Variants in GREM1 observed in about 807,000 individuals in gnomAD.
GREM1 encodes the protein gremlin-1.
A neutral mutation model predicts 13.1 loss-of-function variants in GREM1; 6 were observed. The observed-to-expected ratio is 0.46, with a 90% CI of 0.25 to 0.91. The LOEUF (loss-of-function observed/expected upper bound fraction) is 0.91, where lower values mean the gene tolerates loss of function less well. Ranked by LOEUF, GREM1 falls within the 40% of genes least tolerant of loss-of-function variation. The probability of loss-of-function intolerance (pLI) is 0.18; values close to 1 mark genes in which losing one functional copy is unlikely to be tolerated. For synonymous variants in GREM1, 98 were observed against 93.7 expected, an observed-to-expected ratio of 1.05 and a Z score of -0.27; for missense variants, 185 against 233.9, an observed-to-expected ratio of 0.79 and a Z score of 1.36.
rs2055325557 is a variant in GREM1, at chr15:32,718,111, T to G, written c.-52T>G. 1 of 1,264,526 alleles carries G rather than the reference T, an allele frequency of 7.9e-7. No individual in the cohort carries two copies. Among genetic ancestry groups the G allele is most frequent in the Non-Finnish European group, 1.0e-6 (1 of 985,152 alleles). 78.3% of individuals were successfully genotyped at this position (1,264,526 alleles called of 1,614,324 possible). A position where few individuals can be genotyped will look rare whatever the true frequency, so the allele number is the denominator to read the frequency against. ...CCGGCGGCTCTGGCCGCGGCCGCAC[T>G]CAGCGCCACGCGTCGAAAGCGCAGG... On this transcript the variant is annotated 5_prime_UTR_variant, in exon 1 of 2. Transcript: ENST00000651154.
intron 1 of GREM1, among the ~76,000 whole-genome samples, chr15:32,729,288 A>G (rs2140686661): frequency 6.6e-6 from 1 of 152,244 alleles, no homozygotes; most frequent in South Asian, 2.1e-4. Flanking sequence ...GGGCCTCCCA[A>G]AGTGCTGGGA....
chr15:32,726,469 C>T (rs2055506353), intron 1 of GREM1, among the ~76,000 whole-genome samples: 1 of 152,070 alleles, frequency 6.6e-6, no homozygotes, highest in Non-Finnish European at 1.5e-5. Flanking sequence ...CACAATATAC[C>T]AGAATCTCTG....
chr15:32,733,360 C>T lies in GREM1; in HGVS notation c.*2115C>T, dbSNP rs2055653269. ...CACACCAGGGAGGAAAAATGACATT[C>T]AGAACCAGCAAACACTGAATTTCTC... is the stretch of plus-strand genomic sequence containing the variant. On this transcript the variant is annotated 3_prime_UTR_variant, in exon 2 of 2. Transcript: ENST00000651154. 1 of 225,938 alleles carries T rather than the reference C, an allele frequency of 4.4e-6. No homozygotes were observed. Among genetic ancestry groups the T allele is most frequent in the East Asian group, 7.1e-5 (1 of 14,072 alleles). The allele number at this position is 225,938 out of a possible 1,614,324, so 14.0% of individuals were successfully genotyped here. A position where few individuals can be genotyped will look rare whatever the true frequency, so the allele number is the denominator to read the frequency against.
intron 1 of GREM1, among the ~76,000 whole-genome samples, chr15:32,719,503 T>C (rs928328524): frequency 1.2e-4 from 18 of 151,964 alleles, no homozygotes; most frequent in Admixed American, 2.6e-4. Context: ...TCGGCTCTTA[T>C]AGACAGAAAT....
At position 32,740,353 on chromosome 15, in the gene GREM1, A is replaced by G. The variant is rs577429192; in HGVS notation, c.*9108A>G. ...CATAAAGATTCTCACCAGAGTCAAG[A>G]GAACAATGCATGAAAAAAGTTAAGA... On this transcript the variant is annotated 3_prime_UTR_variant, in exon 2 of 2. Coordinates refer to ENST00000651154, the MANE Select transcript of GREM1 (RefSeq NM_013372.7). 6.6e-6 allele frequency: 1 copy of G among 152,382 alleles called. No individual in the cohort carries two copies. Among genetic ancestry groups the G allele is most frequent in the South Asian group, 2.1e-4 (1 of 4,830 alleles). 9.4% of individuals were successfully genotyped at this position (152,382 alleles called of 1,614,324 possible). A position where few individuals can be genotyped will look rare whatever the true frequency, so the allele number is the denominator to read the frequency against.
At chr15:32,723,826 C>T (rs2055453263) in intron 1 of GREM1, among the ~76,000 whole-genome samples, 2 of 152,238 alleles carry the variant, frequency 1.3e-5, no homozygotes, top group South Asian at 4.1e-4. Flanking sequence ...CATAGCATTC[C>T]ATATGAGAAC....
intron 1 of GREM1, among the ~76,000 whole-genome samples, chr15:32,727,642 G>A (rs1440630459): frequency 1.3e-5 from 2 of 150,956 alleles, no homozygotes; most frequent in African/African-American, 4.9e-5. Context: ...TCTGGCCAGG[G>A]CAAGCAGGCA....
At position 32,733,906 on chromosome 15, in the gene GREM1, AAGAGTGT is replaced by A. The variant is rs757902225; in HGVS notation, c.*2663_*2669del. On this transcript the variant is annotated 3_prime_UTR_variant, in exon 2 of 2. Coordinates refer to ENST00000651154, the MANE Select transcript of GREM1 (RefSeq NM_013372.7). Reference sequence around the variant, plus strand: ...TTTGTTACTGTAGGTCTTCAAAGTTAAGAGTGTAAGTGAAAAATCTGGAGGAGAGGAT... The same window carrying A: ...TTTGTTACTGTAGGTCTTCAAAGTTAAAGTGAAAAATCTGGAGGAGAGGAT... 2 of 240,142 alleles carry A rather than the reference AAGAGTGT, an allele frequency of 8.3e-6. No homozygotes were observed. Among genetic ancestry groups the A allele is most frequent in the Non-Finnish European group, 1.8e-5 (2 of 113,186 alleles). 14.9% of individuals were successfully genotyped at this position (240,142 alleles called of 1,614,324 possible). A position where few individuals can be genotyped will look rare whatever the true frequency, so the allele number is the denominator to read the frequency against.
At chr15:32,722,929 T>C (rs1335822281) in intron 1 of GREM1, among the ~76,000 whole-genome samples, 1 of 152,186 alleles carries the variant, frequency 6.6e-6, no homozygotes, top group Non-Finnish European at 1.5e-5. Flanking sequence ...ATATACTGTC[T>C]GCAAAAAAGA....
Position 32,744,228 on chromosome 15 carries a change from T to G in GREM1, c.*12983T>G, listed in dbSNP as rs112020907. On this transcript the variant is annotated 3_prime_UTR_variant, in exon 2 of 2. Transcript: ENST00000651154. ...TGGCTTAGCTTCTATTGGGTTTCTA[T>G]CACTTGCAACCAAAGTGCCCTAACC... 3.7e-4 allele frequency: 57 copies of G among 152,182 alleles called. No homozygotes were observed. Among genetic ancestry groups the G allele is most frequent in the African/African-American group, 1.3e-3 (54 of 41,516 alleles). The allele number at this position is 152,182 out of a possible 1,614,324, so 9.4% of individuals were successfully genotyped here.
At chr15:32,723,775 G>A (rs1047404901) in intron 1 of GREM1, among the ~76,000 whole-genome samples, 4 of 152,158 alleles carry the variant, frequency 2.6e-5, no homozygotes, top group Admixed American at 1.3e-4. Context: ...TGGCTTCTGC[G>A]ATAGTATTAA....
At position 32,740,619 on chromosome 15, in the gene GREM1, T is replaced by C. The variant is rs561277328; in HGVS notation, c.*9374T>C. The stretch of plus-strand genomic sequence containing the variant: ...ATGGGCAACATCAAGCTGAACAATA[T>C]ACTCATTATTGGCATCACAGAATAA... On this transcript the variant is annotated 3_prime_UTR_variant, in exon 2 of 2. Transcript: ENST00000651154. The C allele has an allele frequency of 6.6e-6, 1 of 152,182 alleles. No individual in the cohort carries two copies. Among genetic ancestry groups the C allele is most frequent in the East Asian group, 1.9e-4 (1 of 5,178 alleles). 9.4% of individuals were successfully genotyped at this position (152,182 alleles called of 1,614,324 possible).
At chr15:32,723,642 G>T (rs2055450250) in intron 1 of GREM1, among the ~76,000 whole-genome samples, 1 of 133,614 alleles carries the variant, frequency 7.5e-6, no homozygotes, top group East Asian at 2.2e-4. Flanking sequence ...AAAAAAAAAA[G>T]CCTGTCTGTC....
At position 32,733,940 on chromosome 15, in the gene GREM1, AT is replaced by A. The variant is rs1361622312; in HGVS notation, c.*2698del. ...AGTGAAAAATCTGGAGGAGAGGATA[AT>A]TTCCACTGTGTGGAATGTGAATAGT... On this transcript the variant is annotated 3_prime_UTR_variant, in exon 2 of 2. Coordinates refer to ENST00000651154, the MANE Select transcript of GREM1 (RefSeq NM_013372.7). 2.5e-5 allele frequency: 6 copies of A among 240,858 alleles called. No homozygotes were observed. The highest frequency in any genetic ancestry group is 1.4e-3 in the Middle Eastern group (1 of 738). The allele number at this position is 240,858 out of a possible 1,614,324, so 14.9% of individuals were successfully genotyped here. A position where few individuals can be genotyped will look rare whatever the true frequency, so the allele number is the denominator to read the frequency against.
chr15:32,725,634 A>G (rs2055489220), intron 1 of GREM1, among the ~76,000 whole-genome samples: 1 of 152,164 alleles, frequency 6.6e-6, no homozygotes, highest in Non-Finnish European at 1.5e-5. Context: ...GAAGCTGTTT[A>G]GTTTAATTAG....
At chr15:32,730,229 CA>C in intron 1 of GREM1, among the ~76,000 whole-genome samples, 1 of 152,332 alleles carries the variant, frequency 6.6e-6, no homozygotes, top group South Asian at 2.1e-4. Context: ...GTCTCATAAG[CA>C]TTCACAGCTC....
At position 32,742,398 on chromosome 15, in the gene GREM1, A is replaced by T. The variant is rs1262989696; in HGVS notation, c.*11153A>T. 2 of 152,142 alleles carry T rather than the reference A, an allele frequency of 1.3e-5. No individual in the cohort carries two copies. Among genetic ancestry groups the T allele is most frequent in the Admixed American group, 6.5e-5 (1 of 15,276 alleles). 9.4% of individuals were successfully genotyped at this position (152,142 alleles called of 1,614,324 possible). ...CTTTGTATTTCTTCATGATTTAGTC[A>T]TCATGTATTCATGGGTTGTAAGACT... is the stretch of plus-strand genomic sequence containing the variant. On this transcript the variant is annotated 3_prime_UTR_variant, in exon 2 of 2. Coordinates refer to ENST00000651154, the MANE Select transcript of GREM1 (RefSeq NM_013372.7).
At chr15:32,727,177 A>G (rs191474965) in intron 1 of GREM1, among the ~76,000 whole-genome samples, 1 of 149,328 alleles carries the variant, frequency 6.7e-6, no homozygotes, top group East Asian at 2.0e-4. Context: ...CATCATCCTG[A>G]TACCAAAACC....
In GREM1 at chr15:32,743,962, C is replaced by T. The variant is rs970350883; in HGVS notation, c.*12717C>T. On this transcript the variant is annotated 3_prime_UTR_variant, in exon 2 of 2. Coordinates refer to ENST00000651154, the MANE Select transcript of GREM1 (RefSeq NM_013372.7). ...TAGTAACTGGCTTCCTCTAGAGTGA[C>T]TAATCCAAGAGACAGCAAGGATTGA... 1.3e-5 allele frequency: 2 copies of T among 152,158 alleles called. No homozygotes were observed. Among genetic ancestry groups the T allele is most frequent in the Non-Finnish European group, 2.9e-5 (2 of 68,026 alleles). 9.4% of individuals were successfully genotyped at this position (152,158 alleles called of 1,614,324 possible).
Sources: gnomAD v4.1 joint callset for allele counts (sites outside exome capture counted in the v4.1 genomes callset) on GRCh38, gnomAD v4.1.1 for gene constraint, MANE v1.5 for transcripts, NCBI Gene and HGNC (gene_info 2026-07-23, HGNC 2026-07-21) for gene names.